Variants in SRGAP1 observed in about 807,000 individuals in gnomAD.
SRGAP1 encodes the protein SLIT-ROBO Rho GTPase-activating protein 1.
Under a neutral mutation model 121.9 loss-of-function variants are expected in SRGAP1, and 43 were observed. The ratio of observed to expected loss-of-function variants is 0.35; its 90% CI spans 0.28 to 0.46. SRGAP1 has a LOEUF of 0.46. Among genes scored for constraint, SRGAP1 ranks in the 20% least tolerant of loss-of-function variants. SRGAP1 has a pLI of 1.00. For synonymous variants in SRGAP1, 447 were observed against 485.4 expected (o/e 0.92, Z 1.04); for missense variants, 1,102 against 1,350.9 (o/e 0.82, Z 2.89).
At chr12:64,046,780 G>A (rs542678999) in intron 6 of SRGAP1, among the ~76,000 whole-genome samples, 1 of 152,134 alleles carries the variant, frequency 6.6e-6, no homozygotes, top group Admixed American at 6.6e-5. Context: ...GACTGGAATC[G>A]CATATCAGGA....
chr12:63,844,830 G>T lies in SRGAP1; in HGVS notation c.14G>T (p.Ser5Ile). 1.2e-6 allele frequency: 2 copies of T among 1,614,194 alleles called. No homozygotes were observed. Among genetic ancestry groups the T allele is most frequent in the South Asian group, 1.1e-5 (1 of 91,082 alleles). The stretch of plus-strand genomic sequence containing the variant: ...AACAGCTGGATAATGTCCACCCCGA[G>T]CCGATTCAAGAAGGACAAAGAGATC... MSTPSRFKKDKEIIA... is the reference protein window; with the variant it reads MSTPIRFKKDKEIIA... The change falls in exon 1 of 22, where the codon AGC becomes ATC. Residue 5 changes from serine to isoleucine, a missense_variant. Physicochemically the swap from Ser to Ile is moderately radical, Grantham distance 142. This residue lies in a region of SRGAP1 where 747 missense variants were observed against 929.4 expected (regional missense o/e 0.80). Coordinates refer to ENST00000355086, the MANE Select transcript of SRGAP1 (RefSeq NM_020762.4). This position sits in a 1 kb window ranked among gnomAD's most constrained non-coding sequence, Gnocchi z 4.3.
At chr12:64,141,441 G>A (rs1302285424) in intron 21 of SRGAP1, among the ~76,000 whole-genome samples, 8 of 151,678 alleles carry the variant, frequency 5.3e-5, no homozygotes, top group Non-Finnish European at 8.8e-5. Flanking sequence ...TTAGCCGGGC[G>A]TGGTGGTGGG....
intron 1 of SRGAP1, among the ~76,000 whole-genome samples, chr12:63,971,636 C>A (rs1301191934): frequency 6.6e-6 from 1 of 152,004 alleles, no homozygotes; most frequent in Non-Finnish European, 1.5e-5. Flanking sequence ...TTCTTTGGTA[C>A]TTGAAGAGAT....
chr12:63,863,296 A>G (rs1401770436), intron 1 of SRGAP1, among the ~76,000 whole-genome samples: 7 of 143,518 alleles, frequency 4.9e-5, no homozygotes, highest in Non-Finnish European at 1.1e-4. Flanking sequence ...TTTTTGAGAC[A>G]GTGTCTTACC....
In SRGAP1 at chr12:63,956,185, T is replaced by A. The variant is rs186832928; in HGVS notation, c.68-27762T>A. Among the ~76,000 whole-genome samples the A allele has an allele frequency of 1.2e-3, 186 of 152,290 alleles. 1 individual carries two copies. The South Asian group carries it at 0.014, about 12-fold the overall frequency. ...ATGCCTGACTAATTTTGTACTTTTC[T>A]GTGAAAAGTACAAAATTACTGGCTG... On this transcript the variant is annotated intron_variant, in intron 1 of 21. Coordinates refer to ENST00000355086, the MANE Select transcript of SRGAP1 (RefSeq NM_020762.4).
intron 17 of SRGAP1, among the ~76,000 whole-genome samples, chr12:64,113,881 A>G (rs2036473612): frequency 6.6e-6 from 1 of 152,216 alleles, no homozygotes; most frequent in South Asian, 2.1e-4. Context: ...TGCCCTGTGC[A>G]GCTAGGATTC....
chr12:64,126,179 T>C (rs1477117625), intron 19 of SRGAP1, 22 bp downstream of exon 19: 2 of 1,603,788 alleles, frequency 1.2e-6, no homozygotes, highest in Non-Finnish European at 1.7e-6. Context: ...CAACTTTGAT[T>C]GCCTGAGTGC....
At chr12:63,879,762 G>A (rs538466560) in intron 1 of SRGAP1, among the ~76,000 whole-genome samples, 1 of 152,264 alleles carries the variant, frequency 6.6e-6, no homozygotes, top group African/African-American at 2.4e-5. Flanking sequence ...CTCAAAAGTA[G>A]TTACCAACTG....
intron 6 of SRGAP1, among the ~76,000 whole-genome samples, chr12:64,054,555 A>G (rs1329998131): frequency 6.6e-6 from 1 of 152,192 alleles, no homozygotes; most frequent in Admixed American, 6.5e-5. Flanking sequence ...CCCATTAGAC[A>G]TGAACTCCTA....
chr12:64,034,144 G>A (rs530664616), intron 4 of SRGAP1, among the ~76,000 whole-genome samples: 66 of 152,180 alleles, frequency 4.3e-4, no homozygotes, highest in Non-Finnish European at 7.9e-4. Flanking sequence ...GTTGGAGGTG[G>A]GACCTGGTGG....
chr12:63,954,688 A>AAAAAAAAAAAAAAAAAG lies in SRGAP1; in HGVS notation c.68-29255_68-29254insAAAAAAAAAAAAGAAAA, dbSNP rs57230527. Reference sequence around the variant, plus strand: ...GCGAGACTCCATCTCAAAAAAAAAAAAAAAGAAAAGAAAAAGCAGTGTGAG... The same window carrying AAAAAAAAAAAAAAAAAG: ...GCGAGACTCCATCTCAAAAAAAAAAAAAAAAAAAAAAAAAAAGAAAAGAAAAGAAAAAGCAGTGTGAG... On this transcript the variant is annotated intron_variant, in intron 1 of 21. Coordinates refer to ENST00000355086, the MANE Select transcript of SRGAP1 (RefSeq NM_020762.4). 8.1e-3 allele frequency among the ~76,000 whole-genome samples: 1,052 copies of AAAAAAAAAAAAAAAAAG among 129,602 alleles called. 1 individual carries two copies. The highest frequency in any genetic ancestry group is 0.014 in the Middle Eastern group (3 of 222). The allele number at this position is 129,602 out of a possible 152,430, so 85.0% of individuals were successfully genotyped here.
intron 1 of SRGAP1, among the ~76,000 whole-genome samples, chr12:63,965,449 C>T (rs980227508): frequency 1.3e-5 from 2 of 151,964 alleles, no homozygotes; most frequent in Non-Finnish European, 2.9e-5. Flanking sequence ...TTTTATGATG[C>T]ATATGTCTAC....
At chr12:64,113,218 G>T (rs1592333548) in intron 17 of SRGAP1, among the ~76,000 whole-genome samples, 1 of 152,080 alleles carries the variant, frequency 6.6e-6, no homozygotes, top group Non-Finnish European at 1.5e-5. Context: ...GACCAGCCTG[G>T]CCAACATGGT....
intron 1 of SRGAP1, among the ~76,000 whole-genome samples, chr12:63,918,575 C>T (rs926446187): frequency 6.6e-6 from 1 of 152,100 alleles, no homozygotes; most frequent in African/African-American, 2.4e-5. Context: ...TGCCACCATG[C>T]CCAGTTAATT....
At chr12:64,068,483 A>ACGCC (rs779735441) in intron 8 of SRGAP1, among the ~76,000 whole-genome samples, 150,070 of 150,150 alleles carry the variant, frequency 1, 74,995 homozygotes, top group Non-Finnish European at 1. Flanking sequence ...TACAAGTGTT[A>ACGCC]ACCACCGTGC....
chr12:64,119,756 A>T, intron 18 of SRGAP1, among the ~76,000 whole-genome samples: 1 of 148,694 alleles, frequency 6.7e-6, no homozygotes, highest in African/African-American at 2.5e-5. Flanking sequence ...TTTATTTTTA[A>T]ATATTATTTG....
At chr12:63,975,018 CATCAT>C (rs1365686312) in intron 1 of SRGAP1, among the ~76,000 whole-genome samples, 1 of 152,168 alleles carries the variant, frequency 6.6e-6, no homozygotes, top group Non-Finnish European at 1.5e-5. Context: ...TAGTCTGCAC[CATCAT>C]ATCTAGAACT....
chr12:63,896,457 C>A (rs1900757313), intron 1 of SRGAP1, among the ~76,000 whole-genome samples: 1 of 152,112 alleles, frequency 6.6e-6, no homozygotes, highest in African/African-American at 2.4e-5. Context: ...ATCCTCTGCA[C>A]AGGGTCTCAA....
chr12:63,874,043 TGAGA>T (rs35829596), intron 1 of SRGAP1, among the ~76,000 whole-genome samples: 1 of 141,354 alleles, frequency 7.1e-6, no homozygotes, highest in Admixed American at 7.1e-5. Context: ...AAAGAGAAAA[TGAGA>T]GAGAGAGGAA....
Sources: allele counts gnomAD v4.1 joint callset (sites outside exome capture counted in the v4.1 genomes callset), GRCh38; gene constraint gnomAD v4.1.1; regional missense constraint gnomAD v4.1.1; non-coding constraint Gnocchi (gnomAD v3.1); transcripts MANE v1.5; gene names NCBI Gene and HGNC (gene_info 2026-07-23, HGNC 2026-07-21).